SGCZ: variants seen among roughly 807,000 people sequenced by gnomAD.
SGCZ encodes zeta-sarcoglycan.
Under a neutral mutation model 41.3 loss-of-function variants are expected in SGCZ, and 40 were observed. The ratio of observed to expected loss-of-function variants is 0.97; its 90% CI spans 0.75 to 1.26. The LOEUF (loss-of-function observed/expected upper bound fraction) is 1.26. Ranked by LOEUF, SGCZ falls within the 50% of genes most tolerant of loss-of-function variation. SGCZ has a pLI of 0.00. For missense variants in SGCZ, 552 were observed against 369.8 expected (o/e 1.49, Z -4.04); for synonymous variants, 206 against 137.5 (o/e 1.50, Z -3.49).
chr8:14,536,953 T>G lies in SGCZ; in HGVS notation c.234+17779A>C, dbSNP rs1389785561. ...AATTAAGTAGGTCTTAAGCCAAGAT[T>G]CTATAAAAAGGAAATTCAAAATACC... On this transcript the variant is annotated intron_variant, in intron 2 of 7. Transcript: ENST00000382080. Among the ~76,000 whole-genome samples the G allele has an allele frequency of 4.6e-5, 7 of 152,054 alleles. No individual in the cohort carries two copies. In the East Asian group the frequency reaches 1.2e-3, roughly 25 times the overall value.
chr8:14,988,459 C>T (rs1040554113), intron 1 of SGCZ, among the ~76,000 whole-genome samples: 5 of 151,890 alleles, frequency 3.3e-5, no homozygotes, highest in African/African-American at 1.2e-4. Context: ...GCTGTCTTGA[C>T]AAGCTTCTTT....
At chr8:14,329,769 A>G (rs2093572875) in intron 2 of SGCZ, among the ~76,000 whole-genome samples, 1 of 152,174 alleles carries the variant, frequency 6.6e-6, no homozygotes, top group African/African-American at 2.4e-5. Flanking sequence ...ATGAATTTCT[A>G]GATTTGCTAA....
intron 2 of SGCZ, among the ~76,000 whole-genome samples, chr8:14,427,593 C>T (rs1442849125): frequency 6.6e-6 from 1 of 152,162 alleles, no homozygotes. Flanking sequence ...CTAGACCCCT[C>T]CATCTTTTGA....
At chr8:14,905,731 G>T (rs1051348789) in intron 1 of SGCZ, among the ~76,000 whole-genome samples, 1 of 151,812 alleles carries the variant, frequency 6.6e-6, no homozygotes, top group Non-Finnish European at 1.5e-5. Flanking sequence ...GATGTCATCA[G>T]AAGCTATAGG....
At chr8:15,190,702 G>T (rs758618305) in intron 1 of SGCZ, among the ~76,000 whole-genome samples, 2 of 149,956 alleles carry the variant, frequency 1.3e-5, no homozygotes, top group Non-Finnish European at 3.0e-5. Context: ...TGCGTGTGTC[G>T]TGGGGGATGG....
At chr8:14,399,483 A>G (rs979609286) in intron 2 of SGCZ, among the ~76,000 whole-genome samples, 1 of 151,934 alleles carries the variant, frequency 6.6e-6, no homozygotes, top group African/African-American at 2.4e-5. Context: ...TTATGCCTGG[A>G]TATATAGGTT....
chr8:15,016,392 G>T (rs1455380088), intron 1 of SGCZ, among the ~76,000 whole-genome samples: 1 of 152,186 alleles, frequency 6.6e-6, no homozygotes, highest in African/African-American at 2.4e-5. Context: ...ACATGGCGAT[G>T]GTAGGTGGAT....
chr8:14,608,018 G>A (rs1397262521), intron 1 of SGCZ, among the ~76,000 whole-genome samples: 2 of 152,156 alleles, frequency 1.3e-5, no homozygotes, highest in African/African-American at 4.8e-5. Context: ...TTTTCAGAAT[G>A]AGAAGTAAGA....
chr8:14,796,680 T>C (rs1055224704), intron 1 of SGCZ, among the ~76,000 whole-genome samples: 1 of 152,134 alleles, frequency 6.6e-6, no homozygotes, highest in Non-Finnish European at 1.5e-5. Context: ...TTAGTAAACA[T>C]CAACTCAACT....
chr8:14,559,556 C>T (rs529019182), intron 1 of SGCZ, among the ~76,000 whole-genome samples: 4 of 152,166 alleles, frequency 2.6e-5, no homozygotes, highest in Non-Finnish European at 5.9e-5. Flanking sequence ...GACCATACTT[C>T]CCAAAGCAAT....
Position 14,479,731 on chromosome 8 carries a change from C to CTTTTTTTTTTTTTTTTTTTTTTTTTTT in SGCZ, c.234+74974_234+75000dup, listed in dbSNP as rs529812029. On this transcript the variant is annotated intron_variant, in intron 2 of 7. Coordinates refer to ENST00000382080, the MANE Select transcript of SGCZ (RefSeq NM_139167.4). ...GTCGCATACCTCCAGAATTCTACTT[C>CTTTTTTTTTTTTTTTTTTTTTTTTTTT]TTTTTTTTTTTTTTTTTTTTTTTTT... 1.1e-4 allele frequency among the ~76,000 whole-genome samples: 6 copies of CTTTTTTTTTTTTTTTTTTTTTTTTTTT among 52,974 alleles called. 1 individual carries two copies. Among genetic ancestry groups the CTTTTTTTTTTTTTTTTTTTTTTTTTTT allele is most frequent in the Admixed American group, 2.3e-4 (1 of 4,266 alleles). The allele number at this position is 52,974 out of a possible 152,430, so 34.8% of individuals were successfully genotyped here.
chr8:14,270,759 C>T (rs1474797845), intron 3 of SGCZ, among the ~76,000 whole-genome samples: 3 of 152,050 alleles, frequency 2.0e-5, no homozygotes, highest in African/African-American at 7.2e-5. Flanking sequence ...GTATAGTATA[C>T]ATTCACATTT....
intron 3 of SGCZ, among the ~76,000 whole-genome samples, chr8:14,241,899 T>C (rs548721122): frequency 6.6e-6 from 1 of 152,252 alleles, no homozygotes; most frequent in Non-Finnish European, 1.5e-5. Context: ...GCTATGCATA[T>C]GACCAATGGA....
intron 1 of SGCZ, among the ~76,000 whole-genome samples, chr8:15,180,297 G>A (rs950951326): frequency 1.3e-5 from 2 of 152,102 alleles, no homozygotes; most frequent in African/African-American, 4.8e-5. Context: ...AATAAATACT[G>A]TCTTTTCCAC....
chr8:15,098,247 A>G (rs1402566259), intron 1 of SGCZ, among the ~76,000 whole-genome samples: 1 of 152,118 alleles, frequency 6.6e-6, no homozygotes, highest in East Asian at 1.9e-4. Context: ...GAGAAAGGAA[A>G]AAAGGAAAAC....
intron 7 of SGCZ, among the ~76,000 whole-genome samples, chr8:14,100,411 C>T (rs1188557080): frequency 6.6e-6 from 1 of 150,508 alleles, no homozygotes; most frequent in African/African-American, 2.4e-5. Context: ...CAAAGCAACT[C>T]TTTAAAAAGA....
intron 5 of SGCZ, among the ~76,000 whole-genome samples, chr8:14,148,717 C>A (rs961527373): frequency 2.0e-5 from 3 of 152,014 alleles, no homozygotes. Context: ...GATATCAAAA[C>A]CAGACAAAGA....
chr8:14,490,625 T>TCATC (rs1801815832), intron 2 of SGCZ, among the ~76,000 whole-genome samples: 1 of 152,216 alleles, frequency 6.6e-6, no homozygotes, highest in South Asian at 2.1e-4. Flanking sequence ...GTTGATTTGA[T>TCATC]CATCCAACCA....
At chr8:15,222,817 CTAAA>C (rs1310739749) in intron 1 of SGCZ, among the ~76,000 whole-genome samples, 2 of 151,418 alleles carry the variant, frequency 1.3e-5, no homozygotes, top group East Asian at 3.9e-4. Context: ...GTGTGTGTGA[CTAAA>C]TAAGAAAGAA....
Sources: gnomAD v4.1 joint callset for allele counts (sites outside exome capture counted in the v4.1 genomes callset) on GRCh38, gnomAD v4.1.1 for gene constraint, MANE v1.5 for transcripts, NCBI Gene and HGNC (gene_info 2026-07-23, HGNC 2026-07-21) for gene names.